SSBP2: variants seen among roughly 807,000 people sequenced by gnomAD.
SSBP2 encodes the protein single-stranded DNA-binding protein 2.
In SSBP2, 17 loss-of-function variants were observed where a neutral mutation model predicts 61.8. The observed-to-expected ratio is 0.28, with a 90% CI of 0.19 to 0.41. The LOEUF is 0.41. Among genes scored for constraint, SSBP2 ranks in the 10% least tolerant of loss-of-function variants. The pLI is 1.00. For synonymous variants in SSBP2, 139 were observed against 141.3 expected (o/e 0.98, Z 0.12); for missense variants, 310 against 458.7 (o/e 0.68, Z 2.96).
intron 1 of SSBP2, among the ~76,000 whole-genome samples, chr5:81,734,798 T>C (rs2154001636): frequency 6.6e-6 from 1 of 151,950 alleles, no homozygotes; most frequent in South Asian, 2.1e-4. Flanking sequence ...GGTGAAACTC[T>C]GTCTCTACTA....
Position 81,705,912 on chromosome 5 carries a change from C to T in SSBP2, c.62+45069G>A, listed in dbSNP as rs536582686. On this transcript the variant is annotated intron_variant, in intron 1 of 16. Transcript: ENST00000320672. ...CTGTTGGTGGGAATGTAAATTAGCT[C>T]AGCCACTGTGGAAAGCAGTTTGAAG... Among the ~76,000 whole-genome samples, 2 of 152,258 alleles carry T rather than the reference C, an allele frequency of 1.3e-5. 1 individual carries two copies.
rs139951239 is a variant in SSBP2 at position 81,480,505 on chromosome 5, T to G, written c.433-5943A>C. Among the ~76,000 whole-genome samples the G allele has an allele frequency of 2.4e-3, 358 of 149,930 alleles. 1 individual carries two copies. The highest frequency in any genetic ancestry group is 8.6e-3 in the African/African-American group (340 of 39,394). ...TCTGAGGCTTCAGTTAGCTGTAATC[T>G]TTTGGCTTGTAGAAGTCTTGATGGT... On this transcript the variant is annotated intron_variant, in intron 6 of 16. Transcript: ENST00000320672.
chr5:81,425,428 G>C (rs183334197), intron 16 of SSBP2, among the ~76,000 whole-genome samples: 85 of 152,200 alleles, frequency 5.6e-4, no homozygotes, highest in Non-Finnish European at 1.1e-3. Context: ...AATGACAAAG[G>C]GGGTAAGGGA....
At chr5:81,420,612 G>A (rs775683679) in intron 16 of SSBP2, 79 bp from the exon 17 acceptor site, 23 of 1,161,412 alleles carry the variant, frequency 2.0e-5, no homozygotes, top group African/African-American at 4.6e-5. Context: ...CAACAGAAAC[G>A]ATGAATTCTA....
At chr5:81,747,093 G>A (rs1249498852) in intron 1 of SSBP2, among the ~76,000 whole-genome samples, 1 of 147,450 alleles carries the variant, frequency 6.8e-6, no homozygotes, top group Non-Finnish European at 1.5e-5. Flanking sequence ...TAAAATTTCT[G>A]TGCCTTCTCC....
intron 4 of SSBP2, among the ~76,000 whole-genome samples, chr5:81,550,135 A>G (rs1772058937): frequency 6.6e-6 from 1 of 152,256 alleles, no homozygotes; most frequent in Admixed American, 6.5e-5. Flanking sequence ...TATGCATTTT[A>G]ACCTATGTTG....
rs368406052 is a variant in SSBP2 at position 81,544,712 on chromosome 5, T to C, written c.283-30995A>G. Among the ~76,000 whole-genome samples the C allele has an allele frequency of 1.3e-4, 20 of 152,334 alleles. No individual in the cohort carries two copies. The East Asian group carries it at 2.9e-3, about 22-fold the overall frequency. On this transcript the variant is annotated intron_variant, in intron 4 of 16. Transcript: ENST00000320672. ...AAAAACAATAATGTCACTGATTTAG[T>C]GAACAAAGAAAGGAATATGGTAGAG...
At chr5:81,443,787 C>A (rs1763190724) in intron 12 of SSBP2, among the ~76,000 whole-genome samples, 1 of 152,232 alleles carries the variant, frequency 6.6e-6, no homozygotes, top group Non-Finnish European at 1.5e-5. Context: ...TGGTCTTGAT[C>A]TCCTGACCCT....
At chr5:81,694,949 GTGACCACAC>G in intron 1 of SSBP2, among the ~76,000 whole-genome samples, 1 of 152,156 alleles carries the variant, frequency 6.6e-6, no homozygotes, top group Admixed American at 6.5e-5. Context: ...GCAGTGAGCT[GTGACCACAC>G]CACTGAATTC....
At chr5:81,535,819 A>T (rs1328896403) in intron 4 of SSBP2, among the ~76,000 whole-genome samples, 2 of 152,104 alleles carry the variant, frequency 1.3e-5, no homozygotes, top group Non-Finnish European at 2.9e-5. Context: ...TCTAGATAAT[A>T]ACATATAATA....
chr5:81,697,350 G>C (rs960001901), intron 1 of SSBP2, among the ~76,000 whole-genome samples: 1 of 152,202 alleles, frequency 6.6e-6, no homozygotes, highest in Non-Finnish European at 1.5e-5. Context: ...CTTTCAGACT[G>C]AATTGTCTAG....
chr5:81,467,152 G>C (rs1764947702), intron 8 of SSBP2, 87 bp from the exon 9 acceptor site: 1 of 780,216 alleles, frequency 1.3e-6, no homozygotes, highest in Non-Finnish European at 2.1e-6. Flanking sequence ...ACTCCAATTG[G>C]ATAAGGCCTG....
chr5:81,725,546 G>A (rs1755820276), intron 1 of SSBP2, among the ~76,000 whole-genome samples: 1 of 152,062 alleles, frequency 6.6e-6, no homozygotes, highest in Admixed American at 6.6e-5. Context: ...GCCCATAAGA[G>A]GACATGTATG....
Position 81,594,161 on chromosome 5 carries a change from T to C in SSBP2, c.282+21312A>G, listed in dbSNP as rs1302441176. ...GATAGAAGAAGATCTACCAAGCAAA[T>C]GGAAAACAAAAAAAGGCAGGGGTTG... On this transcript the variant is annotated intron_variant, in intron 4 of 16. Coordinates refer to ENST00000320672, the MANE Select transcript of SSBP2 (RefSeq NM_012446.5). Among the ~76,000 whole-genome samples, 4 of 151,290 alleles carry C rather than the reference T, an allele frequency of 2.6e-5. No homozygotes were observed. In the East Asian group the frequency reaches 5.8e-4, roughly 22 times the overall value.
At chr5:81,457,583 C>T (rs773645979) in intron 10 of SSBP2, among the ~76,000 whole-genome samples, 4 of 152,084 alleles carry the variant, frequency 2.6e-5, no homozygotes, top group Non-Finnish European at 5.9e-5. Context: ...ACCACCTTAA[C>T]TAAATGATCA....
rs1047688686 is a variant in SSBP2 at position 81,541,078 on chromosome 5, C to T, written c.283-27361G>A. Among the ~76,000 whole-genome samples the T allele has an allele frequency of 3.3e-5, 5 of 151,996 alleles. No homozygotes were observed. In the South Asian group the frequency reaches 8.3e-4, roughly 25 times the overall value. ...CTACATCAGCACAGTTTCAGGATGT[C>T]AATTCAATGGAAAAAAAAATCAGCA... On this transcript the variant is annotated intron_variant, in intron 4 of 16. Transcript: ENST00000320672.
intron 4 of SSBP2, among the ~76,000 whole-genome samples, chr5:81,524,760 T>C (rs965110921): frequency 2.0e-5 from 3 of 151,978 alleles, no homozygotes; most frequent in African/African-American, 7.2e-5. Context: ...GTGTGAATAG[T>C]TTTTTCCCTT....
intron 4 of SSBP2, among the ~76,000 whole-genome samples, chr5:81,547,679 C>G (rs1262120165): frequency 6.6e-6 from 1 of 152,072 alleles, no homozygotes; most frequent in Admixed American, 6.6e-5. Flanking sequence ...TGCTATGTTG[C>G]CCAGGCTGGT....
At chr5:81,667,194 G>A (rs1250837948) in intron 1 of SSBP2, among the ~76,000 whole-genome samples, 1 of 151,950 alleles carries the variant, frequency 6.6e-6, no homozygotes, top group South Asian at 2.1e-4. Context: ...TCCAAATACA[G>A]AACAACAGTC....
Sources: gnomAD v4.1 joint callset for allele counts (sites outside exome capture counted in the v4.1 genomes callset) on GRCh38, gnomAD v4.1.1 for gene constraint, MANE v1.5 for transcripts, NCBI Gene and HGNC (gene_info 2026-07-23, HGNC 2026-07-21) for gene names.